Variants in PLA2R1 observed in about 807,000 individuals in gnomAD.
PLA2R1 encodes secretory phospholipase A2 receptor.
In PLA2R1, 158 loss-of-function variants were observed where a neutral mutation model predicts 195.9. That is an observed-to-expected ratio of 0.81 (90% confidence interval 0.71 to 0.92). PLA2R1 has a LOEUF of 0.92. PLA2R1 is among the 40% of genes least tolerant of loss of function. PLA2R1 has a pLI of 0.00. For synonymous variants in PLA2R1, 586 were observed against 598.2 expected (o/e 0.98, Z 0.30); for missense variants, 1,626 against 1,764.6 (o/e 0.92, Z 1.41).
At chr2:160,003,365 C>T (rs1488970840) in intron 11 of PLA2R1, among the ~76,000 whole-genome samples, 1 of 151,764 alleles carries the variant, frequency 6.6e-6, no homozygotes. Flanking sequence ...TGTGACAAAA[C>T]ATACCATAGA....
At chr2:159,985,145 G>A (rs998366416) in intron 12 of PLA2R1, among the ~76,000 whole-genome samples, 6 of 152,108 alleles carry the variant, frequency 3.9e-5, no homozygotes, top group South Asian at 4.1e-4. Context: ...ATAAATAATC[G>A]TGATCTTGGG....
At chr2:160,049,136 C>A (rs964671863) in intron 1 of PLA2R1, among the ~76,000 whole-genome samples, 1 of 152,038 alleles carries the variant, frequency 6.6e-6, no homozygotes. Context: ...CCACCGCGCC[C>A]GGCCAGAAGA....
intron 11 of PLA2R1, among the ~76,000 whole-genome samples, chr2:159,999,754 GA>G (rs551094569): frequency 1.3e-5 from 2 of 152,040 alleles, no homozygotes; most frequent in African/African-American, 4.8e-5. Flanking sequence ...GTTATAGAAA[GA>G]AAAAATTTTT....
At chr2:159,981,432 G>T (rs565375532) in intron 13 of PLA2R1, among the ~76,000 whole-genome samples, 17 of 152,054 alleles carry the variant, frequency 1.1e-4, no homozygotes, top group Non-Finnish European at 1.2e-4. Flanking sequence ...TTGAGACAGG[G>T]TCACACTGTC....
At chr2:160,054,271 A>C (rs1042108924) in intron 1 of PLA2R1, among the ~76,000 whole-genome samples, 9 of 152,194 alleles carry the variant, frequency 5.9e-5, no homozygotes, top group Non-Finnish European at 1.3e-4. Flanking sequence ...CCCCTTCTTT[A>C]CAAAAAGTTT....
At chr2:159,961,453 G>T (rs767591505) in intron 20 of PLA2R1, among the ~76,000 whole-genome samples, 1 of 152,118 alleles carries the variant, frequency 6.6e-6, no homozygotes, top group African/African-American at 2.4e-5. Context: ...TCTTCAGGAC[G>T]TCTCCTGCAC....
rs375990557 is a variant in PLA2R1, at chr2:159,946,902, G to A, written c.3866C>T (p.Thr1289Ile). 3.1e-6 allele frequency: 5 copies of A among 1,604,698 alleles called. No individual in the cohort carries two copies. The African/African-American group carries it at 6.7e-5, about 22-fold the overall frequency. The change falls in exon 27 of 30, where the codon ACA (threonine) becomes ATA (isoleucine). Residue 1289 changes from threonine (T) to isoleucine (I), a missense_variant. By Grantham distance (89) the Thr-to-Ile change is moderately conservative. Coordinates refer to ENST00000283243, the MANE Select transcript of PLA2R1 (RefSeq NM_007366.5). ...FCKKEGSNLL[T>I]IKDEAENAFL... Reference sequence around the variant, plus strand: ...TGCATTTTCAGCCTCATCCTTGATTGTTAAAAGATTAGAACCTATAAGAGA... The same window carrying A: ...TGCATTTTCAGCCTCATCCTTGATTATTAAAAGATTAGAACCTATAAGAGA...
At position 159,979,853 on chromosome 2, in the gene PLA2R1, A is replaced by G. The variant is rs1331828286; in HGVS notation, c.2245T>C (p.Trp749Arg). The change falls in exon 14 of 30, where the codon TGG becomes CGG. Residue 749 changes from tryptophan to arginine, a missense_variant. By Grantham distance (101) the Trp-to-Arg change is moderately radical. Transcript: ENST00000283243. ...NKRNPLNAGS[W>R]EWSDRTPVVS... ...ACAGGAGTTCTATCAGACCACTCCC[A>G]TGAGCCGGCATTCAGTGGGTTTCTT... 3 of 1,603,928 alleles carry G rather than the reference A, an allele frequency of 1.9e-6. No individual in the cohort carries two copies. Among genetic ancestry groups the G allele is most frequent in the African/African-American group, 1.3e-5 (1 of 74,614 alleles).
chr2:159,970,101 T>TA (rs1322230433), intron 18 of PLA2R1, 47 bp downstream of exon 18: 7 of 1,250,746 alleles, frequency 5.6e-6, no homozygotes, highest in Non-Finnish European at 6.9e-6. Flanking sequence ...ATTCTGCAAA[T>TA]AAAACCTGTC....
At chr2:160,014,735 G>A (rs1307654824) in intron 9 of PLA2R1, among the ~76,000 whole-genome samples, 2 of 152,138 alleles carry the variant, frequency 1.3e-5, no homozygotes, top group Non-Finnish European at 2.9e-5. Flanking sequence ...AACTGAGGTA[G>A]GAAGCACAGG....
chr2:159,967,671 C>T lies in PLA2R1; in HGVS notation c.2772G>A (p.Trp924Ter), dbSNP rs1574691899. 6.2e-7 allele frequency: 1 copy of T among 1,613,372 alleles called. No homozygotes were observed. The highest frequency in any genetic ancestry group is 8.5e-7 in the Non-Finnish European group (1 of 1,179,632). ...TAGAAACTGAACACTCTTCACTACC[C>T]CAGAGTCCTGGAGGAGAAAATGGGT... is the stretch of plus-strand genomic sequence containing the variant. ...CGFISSITGLWGSEECSVSMP... is the reference protein window; with the variant it reads ...CGFISSITGL Residue 924 changes from tryptophan to a stop codon, truncating the protein, a stop_gained, in exon 20 of 30, where the codon TGG becomes TGA. Coordinates refer to ENST00000283243, the MANE Select transcript of PLA2R1 (RefSeq NM_007366.5). LOFTEE classifies it high-confidence loss of function.
In PLA2R1 at chr2:159,937,118, C is replaced by A. The variant is rs1364108197; in HGVS notation, c.*4660G>T. 1 of 152,014 alleles carries A rather than the reference C, an allele frequency of 6.6e-6. No individual in the cohort carries two copies. The highest frequency in any genetic ancestry group is 1.5e-5 in the Non-Finnish European group (1 of 68,006). 9.4% of individuals were successfully genotyped at this position (152,014 alleles called of 1,614,324 possible). A position where few individuals can be genotyped will look rare whatever the true frequency, so the allele number is the denominator to read the frequency against. On this transcript the variant is annotated 3_prime_UTR_variant, in exon 30 of 30. Transcript: ENST00000283243. Reference sequence around the variant, plus strand: ...TTTTTAAAGCATAGAAGTGGAAACACCCTACTTGCAAAGTGATTTGTTACC... The same window carrying A: ...TTTTTAAAGCATAGAAGTGGAAACAACCTACTTGCAAAGTGATTTGTTACC...
the PLA2R1 span, among the ~76,000 whole-genome samples, chr2:159,925,188 T>TA: frequency 0.19 from 28,188 of 150,098 alleles, 2,783 homozygotes; most frequent in South Asian, 0.42. Flanking sequence ...ACGTCAGTTA[T>TA]AAAAAAAAAC....
chr2:160,061,412 G>A (rs1405677153), intron 1 of PLA2R1, among the ~76,000 whole-genome samples: 1 of 152,164 alleles, frequency 6.6e-6, no homozygotes, highest in East Asian at 1.9e-4. Flanking sequence ...CACTGAGAGA[G>A]ACTAAGGCAT....
chr2:160,050,163 A>G (rs1400168176), intron 1 of PLA2R1, among the ~76,000 whole-genome samples: 2 of 152,276 alleles, frequency 1.3e-5, no homozygotes, highest in East Asian at 3.8e-4. Context: ...CCAAGTGATA[A>G]CAAATAAGAG....
At chr2:159,997,556 GA>G (rs1001036262) in intron 11 of PLA2R1, among the ~76,000 whole-genome samples, 10 of 152,208 alleles carry the variant, frequency 6.6e-5, no homozygotes, top group African/African-American at 2.4e-4. Flanking sequence ...GTGATAACCT[GA>G]TAGATCACCT....
Position 159,966,135 on chromosome 2 carries a change from C to T in PLA2R1, c.2904+1404G>A, listed in dbSNP as rs555740445. On this transcript the variant is annotated intron_variant, in intron 20 of 29. Coordinates refer to ENST00000283243, the MANE Select transcript of PLA2R1 (RefSeq NM_007366.5). Reference sequence around the variant, plus strand: ...ATACAATCAATTAGCTAAGGGGGGACGTAACTCAAATGTCCACCAATGGAT... The same window carrying T: ...ATACAATCAATTAGCTAAGGGGGGATGTAACTCAAATGTCCACCAATGGAT... 5.9e-5 allele frequency among the ~76,000 whole-genome samples: 9 copies of T among 152,202 alleles called. 1 individual carries two copies. In the South Asian group the frequency reaches 1.2e-3, roughly 21 times the overall value.
Position 159,955,763 on chromosome 2 carries a change from AATC to A in PLA2R1, c.3085_3087del (p.Asp1029del). 1 of 1,589,496 alleles carries A rather than the reference AATC, an allele frequency of 6.3e-7. No individual in the cohort carries two copies. Among genetic ancestry groups the A allele is most frequent in the East Asian group, 2.3e-5 (1 of 44,356 alleles). On this transcript the variant is annotated inframe_deletion, in exon 22 of 30. Transcript: ENST00000283243. ...GGCTTTCCATTTAGCCATGTTTCATAATCATCATTTTGTAAACCTATCCACACA... is the reference window on the plus strand; with the variant it reads ...GGCTTTCCATTTAGCCATGTTTCATAATCATTTTGTAAACCTATCCACACA...
rs1356621022 is a variant in PLA2R1 at position 159,937,215 on chromosome 2, A to G, written c.*4563T>C. On this transcript the variant is annotated 3_prime_UTR_variant, in exon 30 of 30. Coordinates refer to ENST00000283243, the MANE Select transcript of PLA2R1 (RefSeq NM_007366.5). ...AGGCTTTACTAAGACTCTTCAAATAACTGTTCATTATGCCTGTTACTCTTT... is the reference window on the plus strand; with the variant it reads ...AGGCTTTACTAAGACTCTTCAAATAGCTGTTCATTATGCCTGTTACTCTTT... 6.6e-6 allele frequency: 1 copy of G among 152,222 alleles called. No individual in the cohort carries two copies. Among genetic ancestry groups the G allele is most frequent in the Non-Finnish European group, 1.5e-5 (1 of 68,044 alleles). The allele number at this position is 152,222 out of a possible 1,614,324, so 9.4% of individuals were successfully genotyped here.
Sources: gnomAD v4.1 joint callset for allele counts (sites outside exome capture counted in the v4.1 genomes callset) on GRCh38, gnomAD v4.1.1 for gene constraint, MANE v1.5 for transcripts, NCBI Gene and HGNC (gene_info 2026-07-23, HGNC 2026-07-21) for gene names.